The following WIPF2 variants were observed in gnomAD, a reference collection of about 807,000 sequenced individuals.
WIPF2 encodes the protein WAS/WASL-interacting protein family member 2.
Under a neutral mutation model 38.8 loss-of-function variants are expected in WIPF2, and 23 were observed. The observed-to-expected ratio is 0.59, with a 90% CI of 0.43 to 0.84. The LOEUF is 0.84. Among genes scored for constraint, WIPF2 ranks in the 40% least tolerant of loss-of-function variants. WIPF2 has a pLI of 0.00. For missense variants in WIPF2, 574 were observed against 580.5 expected (o/e 0.99, Z 0.11); for synonymous variants, 210 against 223.2 (o/e 0.94, Z 0.53).
At chr17:40,259,071 G>C (rs1040777226) in intron 2 of WIPF2, among the ~76,000 whole-genome samples, 1 of 135,588 alleles carries the variant, frequency 7.4e-6, no homozygotes, top group Non-Finnish European at 1.6e-5. Flanking sequence ...TAAAGGCAGA[G>C]TCTCACTTTG....
At chr17:40,263,115 G>A (rs975449201) in intron 4 of WIPF2, among the ~76,000 whole-genome samples, 9 of 152,278 alleles carry the variant, frequency 5.9e-5, no homozygotes, top group Admixed American at 3.3e-4. Flanking sequence ...GTTTCAGTTA[G>A]ACAGGAGGGG....
At chr17:40,233,425 T>G (rs1480984457) in intron 1 of WIPF2, among the ~76,000 whole-genome samples, 1 of 152,266 alleles carries the variant, frequency 6.6e-6, no homozygotes. Flanking sequence ...TTAACCACTT[T>G]TGCAATTTTT....
intron 5 of WIPF2, among the ~76,000 whole-genome samples, chr17:40,270,425 GAGAC>G (rs990374662): frequency 3.4e-4 from 51 of 152,050 alleles, no homozygotes; most frequent in African/African-American, 9.9e-4. Context: ...AAGCTTATTG[GAGAC>G]AGCAGAACCT....
At chr17:40,260,430 A>T (rs1598489707) in intron 2 of WIPF2, 105 bp from the exon 3 acceptor site, 2 of 1,377,580 alleles carry the variant, frequency 1.5e-6, no homozygotes, top group African/African-American at 1.4e-5. Flanking sequence ...CAAGTGATCC[A>T]CCTGCCTTGG....
rs182435972 is a variant in WIPF2, at chr17:40,253,284, C to G, written c.-69-3107C>G. 2.7e-3 allele frequency among the ~76,000 whole-genome samples: 404 copies of G among 151,204 alleles called. 2 individuals carry two copies. Among genetic ancestry groups the G allele is most frequent in the African/African-American group, 9.3e-3 (383 of 41,144 alleles). ...TCACTGTGTTAGCCAGGATGGTCTC[C>G]ATCTCCTGACCTCATGATCTGCCCG... On this transcript the variant is annotated intron_variant, in intron 1 of 7. Coordinates refer to ENST00000323571, the MANE Select transcript of WIPF2 (RefSeq NM_133264.5).
In WIPF2 at chr17:40,264,466, C is replaced by T. The variant is rs370974876; in HGVS notation, c.314-24C>T. The T allele has an allele frequency of 2.5e-6, 4 of 1,613,142 alleles. No individual in the cohort carries two copies. In the South Asian group the frequency reaches 3.3e-5, roughly 13 times the overall value. On this transcript the variant is annotated intron_variant, in intron 4 of 7. Coordinates refer to ENST00000323571, the MANE Select transcript of WIPF2 (RefSeq NM_133264.5). ...CCAATATCTGTCCAGCTCTGTTGAC[C>T]CTGTGTTGTCTATGTATTTGTAGAG...
At chr17:40,259,766 C>G (rs566626663) in intron 2 of WIPF2, among the ~76,000 whole-genome samples, 40 of 152,210 alleles carry the variant, frequency 2.6e-4, no homozygotes, top group South Asian at 1.7e-3. Context: ...GCTTCTGGCC[C>G]ACCCTTTCCA....
At chr17:40,227,979 G>T in intron 1 of WIPF2, among the ~76,000 whole-genome samples, 2 of 130,984 alleles carry the variant, frequency 1.5e-5, no homozygotes, top group Admixed American at 7.6e-5. Context: ...AATACTATCT[G>T]TATCTTTTGC....
chr17:40,261,389 C>A (rs371713989), intron 3 of WIPF2, among the ~76,000 whole-genome samples: 19 of 151,972 alleles, frequency 1.3e-4, no homozygotes, highest in African/African-American at 3.9e-4. Context: ...CCTCCGCCTC[C>A]CAGGTTCAGG....
chr17:40,227,737 C>T (rs896172402), intron 1 of WIPF2, among the ~76,000 whole-genome samples: 3 of 151,882 alleles, frequency 2.0e-5, no homozygotes, highest in African/African-American at 7.3e-5. Flanking sequence ...CCTGTAGTCC[C>T]AGTTACTCGG....
Position 40,264,756 on chromosome 17 carries a change from C to T in WIPF2, c.580C>T (p.Pro194Ser), listed in dbSNP as rs748678251. Residue 194 changes from proline (P) to serine (S), a missense_variant, in exon 5 of 8, where the codon CCT becomes TCT. Physicochemically the swap from Pro to Ser is moderately conservative, Grantham distance 74. Coordinates refer to ENST00000323571, the MANE Select transcript of WIPF2 (RefSeq NM_133264.5). ...TGCCAACGCACCCCCCACACCTCTG[C>T]CTATGCACAGCAGCAAAGCCCCCGC... ...RRANAPPTPL[P>S]MHSSKAPAYN... The T allele has an allele frequency of 1.9e-6, 3 of 1,606,350 alleles. No homozygotes were observed. In the African/African-American group the frequency reaches 4.0e-5, roughly 22 times the overall value.
intron 1 of WIPF2, among the ~76,000 whole-genome samples, chr17:40,255,878 G>C (rs1193151728): frequency 6.6e-6 from 1 of 151,440 alleles, no homozygotes; most frequent in African/African-American, 2.4e-5. Flanking sequence ...CACCCGCCTC[G>C]GCCTCCCAAA....
At chr17:40,270,979 G>GATAGTA (rs2032234844) in intron 5 of WIPF2, among the ~76,000 whole-genome samples, 2 of 152,002 alleles carry the variant, frequency 1.3e-5, no homozygotes, top group Non-Finnish European at 2.9e-5. Context: ...GGAATAATAA[G>GATAGTA]ATACTCTTTT....
chr17:40,278,358 A>T lies in WIPF2; in HGVS notation c.*133A>T. 9.6e-7 allele frequency: 1 copy of T among 1,045,846 alleles called. No individual in the cohort carries two copies. Among genetic ancestry groups the T allele is most frequent in the Non-Finnish European group, 1.4e-6 (1 of 708,270 alleles). The allele number at this position is 1,045,846 out of a possible 1,614,324, so 64.8% of individuals were successfully genotyped here. On this transcript the variant is annotated 3_prime_UTR_variant, in exon 8 of 8. Transcript: ENST00000323571. The stretch of plus-strand genomic sequence containing the variant: ...CAATGCAATCAAGCCCTAGACTCCA[A>T]ATGTCCTCCCAGCTCACCTCCATCT...
At chr17:40,276,520 C>CAAA (rs1160459322) in intron 6 of WIPF2, among the ~76,000 whole-genome samples, 209 of 70,492 alleles carry the variant, frequency 3.0e-3, no homozygotes, top group Non-Finnish European at 3.9e-3. Flanking sequence ...GACTCCGTCT[C>CAAA]AAAAAAAAAA....
intron 1 of WIPF2, among the ~76,000 whole-genome samples, chr17:40,234,580 A>G (rs1409657904): frequency 6.6e-6 from 1 of 152,096 alleles, no homozygotes; most frequent in African/African-American, 2.4e-5. Flanking sequence ...AGCCATGATC[A>G]CACCACTGCA....
rs2031736444 is a variant in WIPF2, at chr17:40,256,526, G to A, written c.63+4G>A. On this transcript the variant is annotated splice_donor_region_variant and intron_variant, in intron 2 of 7. Transcript: ENST00000323571. ...TCCACCTCCCACATTTCATCAGGTA[G>A]GTAGTCCTTCCATTAGGCTATCTCA... The A allele has an allele frequency of 1.2e-6, 2 of 1,603,586 alleles. No homozygotes were observed. The highest frequency in any genetic ancestry group is 1.1e-5 in the South Asian group (1 of 89,098).
intron 1 of WIPF2, among the ~76,000 whole-genome samples, chr17:40,220,776 GTTTT>G (rs773127708): frequency 1.6e-5 from 2 of 125,936 alleles, no homozygotes; most frequent in African/African-American, 5.9e-5. Flanking sequence ...CCCAGAATTC[GTTTT>G]TTTTTTTTTT....
rs540755059 is a variant in WIPF2 at position 40,251,903 on chromosome 17, G to T, written c.-69-4488G>T. On this transcript the variant is annotated intron_variant, in intron 1 of 7. Transcript: ENST00000323571. ...GAAAGCTTGAGAGCCACTGTTGGTA[G>T]TCAACACTAAAGTCAGTCACTTGAT... Among the ~76,000 whole-genome samples, 7 of 152,336 alleles carry T rather than the reference G, an allele frequency of 4.6e-5. No individual in the cohort carries two copies. The South Asian group carries it at 1.4e-3, about 32-fold the overall frequency.
Sources: gnomAD v4.1 joint callset for allele counts (sites outside exome capture counted in the v4.1 genomes callset) on GRCh38, gnomAD v4.1.1 for gene constraint, MANE v1.5 for transcripts, NCBI Gene and HGNC (gene_info 2026-07-23, HGNC 2026-07-21) for gene names.